Variants in DOCK10 observed in about 807,000 individuals in gnomAD.
DOCK10 encodes the protein dedicator of cytokinesis 10.
Under a neutral mutation model 280.1 loss-of-function variants are expected in DOCK10, and 145 were observed. The observed-to-expected ratio is 0.52, with a 90% confidence interval of 0.45 to 0.59. The LOEUF is 0.59. Among genes scored for constraint, DOCK10 ranks in the 20% least tolerant of loss-of-function variants. The pLI is 0.00. For synonymous variants in DOCK10, 915 were observed against 942.2 expected (o/e 0.97, Z 0.53); for missense variants, 2,368 against 2,651.7 (o/e 0.89, Z 2.35).
intron 27 of DOCK10, among the ~76,000 whole-genome samples, chr2:224,829,973 T>C (rs1182966933): frequency 6.6e-6 from 1 of 152,224 alleles, no homozygotes. Flanking sequence ...CAGCCAGGAA[T>C]GCACATCGCT....
rs143184558 is a variant in DOCK10, at chr2:224,998,152, G to C, written c.123+44100C>G. On this transcript the variant is annotated intron_variant, in intron 1 of 55. Transcript: ENST00000258390. ...TTCTCATTACTTTCAATCTCATGGT[G>C]CCCTGGGATTCTAAGAGTGAGATAA... 2.4e-4 allele frequency among the ~76,000 whole-genome samples: 36 copies of C among 152,214 alleles called. No individual in the cohort carries two copies. The East Asian group carries it at 6.8e-3, about 29-fold the overall frequency.
chr2:224,819,541 A>AAAATTCT lies in DOCK10; in HGVS notation c.3184-19_3184-13dup. 1 of 1,555,622 alleles carries AAAATTCT rather than the reference A, an allele frequency of 6.4e-7. No individual in the cohort carries two copies. The highest frequency in any genetic ancestry group is 8.7e-7 in the Non-Finnish European group (1 of 1,147,836). On this transcript the variant is annotated splice_polypyrimidine_tract_variant and intron_variant, in intron 28 of 55. Transcript: ENST00000258390. The stretch of plus-strand genomic sequence containing the variant: ...AATGTAAAGCAGCGCTAAAATAGAT[A>AAAATTCT]AAATTCTAAATTTAAACACTTTTAC...
In DOCK10 at chr2:224,855,028, C is replaced by T; in HGVS notation, c.1823G>A (p.Ser608Asn). 3 of 1,599,528 alleles carry T rather than the reference C, an allele frequency of 1.9e-6. No individual in the cohort carries two copies. Among genetic ancestry groups the T allele is most frequent in the Non-Finnish European group, 2.6e-6 (3 of 1,172,450 alleles). The change falls in exon 16 of 56, where the codon AGC becomes AAC. Residue 608 changes from serine to asparagine, a missense_variant. By Grantham distance (46) the Ser-to-Asn change is conservative. Coordinates refer to ENST00000258390, the MANE Select transcript of DOCK10 (RefSeq NM_014689.3). ...VSDYRRADRI[S>N]KMQTIPGSLD... is the part of the protein sequence containing the mutation. ...GCTTCCAGGAATGGTCTGCATTTTG[C>T]TTATTCTGTCGGCCCTGTAAGAGTG... is the stretch of plus-strand genomic sequence containing the variant.
intron 1 of DOCK10, among the ~76,000 whole-genome samples, chr2:225,005,665 C>G (rs1272612030): frequency 6.6e-6 from 1 of 152,122 alleles, no homozygotes; most frequent in Non-Finnish European, 1.5e-5. Flanking sequence ...TGTTGCCATT[C>G]AGTTTTAGTT....
chr2:225,004,185 C>G (rs944231520), intron 1 of DOCK10, among the ~76,000 whole-genome samples: 1 of 152,134 alleles, frequency 6.6e-6, no homozygotes, highest in African/African-American at 2.4e-5. Flanking sequence ...ATGAGTTAAG[C>G]CTTTCAAGAT....
rs760411967 is a variant in DOCK10, at chr2:224,806,147, C to G, written c.3793G>C (p.Asp1265His). 7 of 1,605,524 alleles carry G rather than the reference C, an allele frequency of 4.4e-6. No individual in the cohort carries two copies. The highest frequency in any genetic ancestry group is 5.1e-6 in the Non-Finnish European group (6 of 1,174,816). ...ANSVDTSFSK[D>H]VLNSIAAFSS... ...GTACCTGCTATGGAATTTAAAACAT[C>G]TTTAGAAAATGATGTATCCACAGAG... Residue 1265 changes from aspartate to histidine, a missense_variant, in exon 34 of 56, where the codon GAT becomes CAT. This residue lies in a region of DOCK10 where 1,159 missense variants were observed against 1,400.8 expected (regional missense o/e 0.83). Coordinates refer to ENST00000258390, the MANE Select transcript of DOCK10 (RefSeq NM_014689.3).
At chr2:224,994,605 A>C (rs1039512590) in intron 1 of DOCK10, among the ~76,000 whole-genome samples, 3 of 152,200 alleles carry the variant, frequency 2.0e-5, no homozygotes, top group Admixed American at 2.0e-4. Flanking sequence ...TCTGACACTT[A>C]ATCATCATTG....
chr2:224,900,729 TGTGTGAAGCGCCTAGCATA>T (rs1177156141), intron 3 of DOCK10, among the ~76,000 whole-genome samples: 4 of 152,228 alleles, frequency 2.6e-5, no homozygotes, highest in African/African-American at 9.6e-5. Flanking sequence ...TCAAATAATT[TGTGTGAAGCGCCTAGCATA>T]GTGTAAGCCC....
At chr2:224,802,724 C>T (rs1273939944) in intron 39 of DOCK10, among the ~76,000 whole-genome samples, 10 of 152,054 alleles carry the variant, frequency 6.6e-5, no homozygotes, top group Non-Finnish European at 1.3e-4. Context: ...ATCATTTGGC[C>T]AAGGAAATAG....
At chr2:224,835,847 T>G (rs1356009181) in intron 25 of DOCK10, among the ~76,000 whole-genome samples, 1 of 152,252 alleles carries the variant, frequency 6.6e-6, no homozygotes, top group Admixed American at 6.5e-5. Context: ...TTTTTGGATT[T>G]GAATCACTTA....
intron 1 of DOCK10, among the ~76,000 whole-genome samples, chr2:224,950,619 T>C (rs540369566): frequency 3.2e-4 from 48 of 151,866 alleles, no homozygotes; most frequent in Non-Finnish European, 5.3e-4. Context: ...GAAGGGAGGG[T>C]TTCCCCCCTT....
At chr2:224,837,730 G>A (rs368193439) in intron 25 of DOCK10, 32 bp downstream of exon 25, 182 of 1,579,138 alleles carry the variant, frequency 1.2e-4, no homozygotes, top group Non-Finnish European at 1.5e-4. Flanking sequence ...AGCACAAGGG[G>A]ATATGAGCAA....
At chr2:224,787,449 A>C (rs773073757) in intron 48 of DOCK10, 52 bp from the exon 49 acceptor site, 73 of 1,600,682 alleles carry the variant, frequency 4.6e-5, no homozygotes, top group Non-Finnish European at 5.4e-5. Flanking sequence ...GTTGTGGCTC[A>C]TGCCTGAAAC....
chr2:224,894,624 G>A (rs1451533156), intron 4 of DOCK10, among the ~76,000 whole-genome samples: 1 of 152,196 alleles, frequency 6.6e-6, no homozygotes, highest in Non-Finnish European at 1.5e-5. Flanking sequence ...TTAGGGTGTG[G>A]TAAACCTTCC....
intron 1 of DOCK10, among the ~76,000 whole-genome samples, chr2:224,985,109 C>T (rs922836153): frequency 6.6e-5 from 10 of 152,226 alleles, no homozygotes; most frequent in East Asian, 1.9e-4. Context: ...ATTAATTTGG[C>T]CTCCAAACAT....
At position 224,804,855 on chromosome 2, in the gene DOCK10, A is replaced by T. The variant is rs779580401; in HGVS notation, c.4119-14T>A. On this transcript the variant is annotated splice_polypyrimidine_tract_variant and intron_variant, in intron 37 of 55. Coordinates refer to ENST00000258390, the MANE Select transcript of DOCK10 (RefSeq NM_014689.3). Reference sequence around the variant, plus strand: ...TGAAGACAAACGCTAGAAAGGAGAAAAAAACCACATTTTAATTATTCATAT... The same window carrying T: ...TGAAGACAAACGCTAGAAAGGAGAATAAAACCACATTTTAATTATTCATAT... 15 of 1,499,368 alleles carry T rather than the reference A, an allele frequency of 1.0e-5. No individual in the cohort carries two copies. The African/African-American group carries it at 2.0e-4, about 20-fold the overall frequency. 92.9% of individuals were successfully genotyped at this position (1,499,368 alleles called of 1,614,324 possible).
intron 31 of DOCK10, among the ~76,000 whole-genome samples, chr2:224,810,983 C>T (rs1158321961): frequency 6.6e-6 from 1 of 152,014 alleles, no homozygotes; most frequent in Non-Finnish European, 1.5e-5. Context: ...GATTTATAAT[C>T]CTTTGGGTAT....
intron 1 of DOCK10, among the ~76,000 whole-genome samples, chr2:224,952,618 A>C (rs971269668): frequency 2.8e-5 from 4 of 143,768 alleles, no homozygotes; most frequent in Non-Finnish European, 6.0e-5. Flanking sequence ...TTTGAGACGG[A>C]GTCTTGCTCT....
intron 15 of DOCK10, 62 bp from the exon 16 acceptor site, chr2:224,855,104 G>T: frequency 6.3e-6 from 3 of 473,272 alleles, no homozygotes; most frequent in Non-Finnish European, 5.8e-6. Context: ...CACACACAGA[G>T]TATTATTCCA....
Sources: allele counts gnomAD v4.1 joint callset (sites outside exome capture counted in the v4.1 genomes callset), GRCh38; gene constraint gnomAD v4.1.1; regional missense constraint gnomAD v4.1.1; transcripts MANE v1.5; gene names NCBI Gene and HGNC (gene_info 2026-07-23, HGNC 2026-07-21).